Variants in GLT8D2 observed in about 807,000 individuals in gnomAD.
GLT8D2 encodes the protein glycosyltransferase 8 domain-containing protein 2.
GLT8D2 carries 45 observed loss-of-function variants against 44.5 expected under a neutral mutation model. The ratio of observed to expected loss-of-function variants is 1.01; its 90% CI spans 0.80 to 1.30. GLT8D2 has a LOEUF of 1.30. Ranked by LOEUF, GLT8D2 falls within the 50% of genes most tolerant of loss-of-function variation. The pLI is 0.00. For missense variants in GLT8D2, 400 were observed against 430.4 expected (o/e 0.93, Z 0.62); for synonymous variants, 156 against 157.2 (o/e 0.99, Z 0.06).
At chr12:104,041,137 G>A (rs781538810) in intron 1 of GLT8D2, among the ~76,000 whole-genome samples, 3 of 152,148 alleles carry the variant, frequency 2.0e-5, no homozygotes, top group Non-Finnish European at 2.9e-5. Flanking sequence ...TGTGGGGCCA[G>A]GCGTGGTGGC....
chr12:104,020,005 C>T (rs1391019638), intron 2 of GLT8D2, among the ~76,000 whole-genome samples: 1 of 152,032 alleles, frequency 6.6e-6, no homozygotes, highest in Non-Finnish European at 1.5e-5. Flanking sequence ...CTGCAATCTC[C>T]CCCTCCCAGG....
chr12:103,989,350 G>A lies in GLT8D2; in HGVS notation c.*58C>T. ...TTCATAAAGAACAATGTTATAGTTG[G>A]CTACAAAGGGACAATTCCACATTTC... On this transcript the variant is annotated 3_prime_UTR_variant, in exon 11 of 11. Coordinates refer to ENST00000360814, the MANE Select transcript of GLT8D2 (RefSeq NM_001384711.1). The A allele has an allele frequency of 7.3e-7, 1 of 1,378,058 alleles. No homozygotes were observed. Among genetic ancestry groups the A allele is most frequent in the Non-Finnish European group, 9.9e-7 (1 of 1,005,462 alleles). The allele number at this position is 1,378,058 out of a possible 1,614,324, so 85.4% of individuals were successfully genotyped here. A position where few individuals can be genotyped will look rare whatever the true frequency, so the allele number is the denominator to read the frequency against.
intron 1 of GLT8D2, among the ~76,000 whole-genome samples, chr12:104,060,361 A>G (rs1433663660): frequency 1.3e-5 from 2 of 152,200 alleles, no homozygotes; most frequent in Admixed American, 1.3e-4. Context: ...CAGAGATTGA[A>G]GGTACTTTAC....
chr12:104,016,864 AAGAAAGAAAGAAAGAAAG>A (rs1465765282), intron 3 of GLT8D2, among the ~76,000 whole-genome samples: 6 of 151,040 alleles, frequency 4.0e-5, no homozygotes, highest in African/African-American at 1.5e-4. Flanking sequence ...GAAAGAAAGA[AAGAAAGAAAGAAAGAAAG>A]AAAAATAAAG....
chr12:104,062,843 TATC>T (rs1882787871), intron 1 of GLT8D2, among the ~76,000 whole-genome samples: 1 of 152,170 alleles, frequency 6.6e-6, no homozygotes, highest in Non-Finnish European at 1.5e-5. Flanking sequence ...ATGAAGTTGA[TATC>T]ATATAGACCA....
chr12:104,037,126 A>T (rs1593564243), intron 1 of GLT8D2, among the ~76,000 whole-genome samples: 1 of 152,368 alleles, frequency 6.6e-6, no homozygotes, highest in East Asian at 1.9e-4. Flanking sequence ...GAGAACAAAG[A>T]CACAACATAC....
In GLT8D2 at chr12:104,022,650, G is replaced by A. The variant is rs61262810; in HGVS notation, c.-163-1159C>T. Among the ~76,000 whole-genome samples, 632 of 152,086 alleles carry A rather than the reference G, an allele frequency of 4.2e-3. 8 individuals carry two copies. The highest frequency in any genetic ancestry group is 0.014 in the African/African-American group (592 of 41,510). ...ATAAATGGCTGGCACAGCCCCACACGAGTGTTCTGACTAATAAATAGCAGC... is the reference window on the plus strand; with the variant it reads ...ATAAATGGCTGGCACAGCCCCACACAAGTGTTCTGACTAATAAATAGCAGC... On this transcript the variant is annotated intron_variant, in intron 1 of 10. Transcript: ENST00000360814.
At chr12:104,038,634 C>T (rs1017312210) in intron 1 of GLT8D2, among the ~76,000 whole-genome samples, 8 of 151,638 alleles carry the variant, frequency 5.3e-5, no homozygotes, top group East Asian at 1.9e-4. Flanking sequence ...CACTGCTCAA[C>T]GAAATAAAAG....
chr12:104,017,120 A>C (rs1049988869), intron 3 of GLT8D2, among the ~76,000 whole-genome samples: 1 of 152,204 alleles, frequency 6.6e-6, no homozygotes, highest in Non-Finnish European at 1.5e-5. Flanking sequence ...TTTAATCAGC[A>C]TATGAGAAAG....
chr12:104,043,049 T>G (rs1041801577), intron 1 of GLT8D2, among the ~76,000 whole-genome samples: 1 of 152,190 alleles, frequency 6.6e-6, no homozygotes, highest in Non-Finnish European at 1.5e-5. Context: ...GTGCGTGAGA[T>G]GCAGACTATG....
chr12:104,053,925 T>G (rs1210318634), upstream of GLT8D2, among the ~76,000 whole-genome samples: 1 of 152,010 alleles, frequency 6.6e-6, no homozygotes, highest in Admixed American at 6.6e-5. Context: ...AACTATAACA[T>G]GTAATTGATT....
At chr12:104,035,450 C>T in intron 1 of GLT8D2, among the ~76,000 whole-genome samples, 1 of 150,550 alleles carries the variant, frequency 6.6e-6, no homozygotes, top group East Asian at 1.9e-4. Flanking sequence ...CAAACTAGAA[C>T]AAACAGTGTA....
chr12:104,038,088 T>C (rs1880109600), intron 1 of GLT8D2, among the ~76,000 whole-genome samples: 1 of 152,110 alleles, frequency 6.6e-6, no homozygotes, highest in African/African-American at 2.4e-5. Context: ...TCCACAAAAT[T>C]CAACAGCCTT....
chr12:104,060,966 A>C (rs930222176), intron 1 of GLT8D2, among the ~76,000 whole-genome samples: 2 of 152,050 alleles, frequency 1.3e-5, no homozygotes, highest in Non-Finnish European at 2.9e-5. Context: ...CAGGGAGAAC[A>C]CCACGTGATG....
chr12:104,057,965 G>T (rs1443165902), intron 1 of GLT8D2, among the ~76,000 whole-genome samples: 1 of 152,150 alleles, frequency 6.6e-6, no homozygotes, highest in African/African-American at 2.4e-5. Flanking sequence ...GGCTAGCTAG[G>T]GGTTCAGTGT....
intron 1 of GLT8D2, among the ~76,000 whole-genome samples, chr12:104,029,980 GA>G (rs929199619): frequency 2.8e-4 from 41 of 148,768 alleles, no homozygotes; most frequent in Middle Eastern, 3.5e-3. Context: ...CACAAAAATA[GA>G]AAAAAAAAAT....
At chr12:104,050,551 T>A (rs1881612763), upstream of GLT8D2, among the ~76,000 whole-genome samples, 2 of 152,168 alleles carry the variant, frequency 1.3e-5, no homozygotes. Context: ...GGAGTGTTTT[T>A]GTGCCTGAAC....
intron 5 of GLT8D2, among the ~76,000 whole-genome samples, chr12:104,000,929 G>T (rs1874129888): frequency 6.6e-6 from 1 of 152,192 alleles, no homozygotes; most frequent in Non-Finnish European, 1.5e-5. Flanking sequence ...AATTATAAAA[G>T]CAGTATGCAA....
chr12:103,994,581 G>T, intron 8 of GLT8D2, 80 bp from the exon 9 acceptor site: 1 of 1,335,080 alleles, frequency 7.5e-7, no homozygotes, highest in Non-Finnish European at 1.0e-6. Context: ...TGAAACCCTT[G>T]TGCAGTATCT....
Sources: gnomAD v4.1 joint callset for allele counts (sites outside exome capture counted in the v4.1 genomes callset) on GRCh38, gnomAD v4.1.1 for gene constraint, MANE v1.5 for transcripts, NCBI Gene and HGNC (gene_info 2026-07-23, HGNC 2026-07-21) for gene names.